Variants in OPCML observed in about 807,000 individuals in gnomAD.
The protein encoded by OPCML is opioid binding protein/cell adhesion molecule like, also known as opioid-binding protein/cell adhesion molecule.
A neutral mutation model predicts 37.8 loss-of-function variants in OPCML; 13 were observed. That is an observed-to-expected ratio of 0.34 (90% CI 0.22 to 0.55). The LOEUF is 0.55. Among genes scored for constraint, OPCML ranks in the 20% least tolerant of loss-of-function variants. The pLI, the probability that OPCML is intolerant of heterozygous loss-of-function variation, is 0.91. For missense variants in OPCML, 341 were observed against 435.6 expected (o/e 0.78, Z 1.93); for synonymous variants, 176 against 168.8 (o/e 1.04, Z -0.33).
chr11:133,127,755 T>C (rs1268894281), intron 1 of OPCML, among the ~76,000 whole-genome samples: 2 of 152,118 alleles, frequency 1.3e-5, no homozygotes, highest in Non-Finnish European at 2.9e-5. Flanking sequence ...ATTTATCATC[T>C]AATTAAGAAG....
chr11:132,670,295 CA>C (rs1327861850), intron 2 of OPCML, among the ~76,000 whole-genome samples: 1 of 152,146 alleles, frequency 6.6e-6, no homozygotes, highest in East Asian at 1.9e-4. Flanking sequence ...ATCGTGGGAG[CA>C]AAGACTTCGG....
rs570500772 is a variant in OPCML, at chr11:133,465,797, G to A, written c.61+66467C>T. Reference sequence around the variant, plus strand: ...GATCGTCCACCGTAAAGGGACACTGGGAGGACTAAGGAGGCAATCCATGCA... The same window carrying A: ...GATCGTCCACCGTAAAGGGACACTGAGAGGACTAAGGAGGCAATCCATGCA... On this transcript the variant is annotated intron_variant, in intron 1 of 7. Transcript: ENST00000524381. Among the ~76,000 whole-genome samples the A allele has an allele frequency of 6.6e-5, 10 of 152,222 alleles. No homozygotes were observed. In the South Asian group the frequency reaches 2.1e-3, roughly 32 times the overall value.
intron 1 of OPCML, among the ~76,000 whole-genome samples, chr11:133,286,321 TA>T: frequency 6.6e-6 from 1 of 151,506 alleles, no homozygotes; most frequent in East Asian, 1.9e-4. Context: ...TAAAAATAAA[TA>T]AGCCGGGCGT....
chr11:133,127,111 T>C (rs755435344), intron 1 of OPCML, among the ~76,000 whole-genome samples: 40 of 152,184 alleles, frequency 2.6e-4, no homozygotes, highest in Non-Finnish European at 5.4e-4. Context: ...TCCTTAGATC[T>C]GCCCCTTTCC....
intron 2 of OPCML, among the ~76,000 whole-genome samples, chr11:132,816,700 T>C (rs1939660031): frequency 6.6e-6 from 1 of 152,172 alleles, no homozygotes; most frequent in African/African-American, 2.4e-5. Flanking sequence ...TTTGGTCCGT[T>C]GTGGGACTGC....
chr11:132,892,059 G>A (rs1943671351), intron 2 of OPCML, among the ~76,000 whole-genome samples: 1 of 152,186 alleles, frequency 6.6e-6, no homozygotes, highest in African/African-American at 2.4e-5. Flanking sequence ...CTAAGTCGAT[G>A]CAAAGCTACA....
intron 1 of OPCML, among the ~76,000 whole-genome samples, chr11:133,401,806 C>T (rs2136840062): frequency 6.6e-6 from 1 of 152,248 alleles, no homozygotes; most frequent in South Asian, 2.1e-4. Flanking sequence ...GACTTGTTCT[C>T]TTTTAAGCTT....
chr11:132,496,774 A>G (rs770332558), intron 4 of OPCML, among the ~76,000 whole-genome samples: 10 of 152,252 alleles, frequency 6.6e-5, no homozygotes, highest in Non-Finnish European at 1.2e-4. Flanking sequence ...ACCCAATATT[A>G]CAAAATGCTA....
At chr11:133,009,489 T>G (rs1947175920) in intron 1 of OPCML, among the ~76,000 whole-genome samples, 1 of 152,214 alleles carries the variant, frequency 6.6e-6, no homozygotes, top group Admixed American at 6.5e-5. Context: ...GGCAGTTTAA[T>G]TCAGTAGCCA....
At chr11:132,989,077 A>T (rs889782056) in intron 1 of OPCML, among the ~76,000 whole-genome samples, 1 of 152,228 alleles carries the variant, frequency 6.6e-6, no homozygotes. Flanking sequence ...ATCTTCATAC[A>T]TTGCTGGTGA....
At chr11:132,423,092 C>T (rs185500487) in intron 7 of OPCML, among the ~76,000 whole-genome samples, 5 of 152,308 alleles carry the variant, frequency 3.3e-5, no homozygotes, top group Admixed American at 3.3e-4. Flanking sequence ...GCCAGACAGC[C>T]TTCTTCAGTT....
At chr11:132,698,194 C>T (rs564022648) in intron 2 of OPCML, among the ~76,000 whole-genome samples, 1 of 152,008 alleles carries the variant, frequency 6.6e-6, no homozygotes, top group East Asian at 1.9e-4. Flanking sequence ...TGATAGTTCT[C>T]TTTTTAATTT....
intron 2 of OPCML, among the ~76,000 whole-genome samples, chr11:132,786,057 T>C (rs1947199636): frequency 6.6e-6 from 1 of 152,162 alleles, no homozygotes; most frequent in African/African-American, 2.4e-5. Flanking sequence ...TCTTTACCCA[T>C]ACCCATCCTC....
In OPCML at chr11:132,428,472, A is replaced by C. The variant is rs1267623206; in HGVS notation, c.916+7614T>G. 3.3e-5 allele frequency among the ~76,000 whole-genome samples: 5 copies of C among 152,344 alleles called. No individual in the cohort carries two copies. In the South Asian group the frequency reaches 6.2e-4, roughly 19 times the overall value. ...AAGCATAGGGGTAATCTACCATGAG[A>C]GCCCAAAAGATGAGGGATTGATTCT... On this transcript the variant is annotated intron_variant, in intron 7 of 7. Coordinates refer to ENST00000524381, the MANE Select transcript of OPCML (RefSeq NM_001012393.5).
At chr11:133,058,684 T>A (rs1591960796) in intron 1 of OPCML, among the ~76,000 whole-genome samples, 1 of 152,090 alleles carries the variant, frequency 6.6e-6, no homozygotes, top group South Asian at 2.1e-4. Context: ...CACGCCTGGG[T>A]TTTCGCTTCT....
At chr11:133,265,604 T>G (rs1941631885) in intron 1 of OPCML, among the ~76,000 whole-genome samples, 1 of 152,222 alleles carries the variant, frequency 6.6e-6, no homozygotes, top group Admixed American at 6.5e-5. Context: ...GATTTGATTA[T>G]TTTTGAAACA....
intron 1 of OPCML, among the ~76,000 whole-genome samples, chr11:133,101,332 G>A (rs184556916): frequency 1.1e-3 from 162 of 152,274 alleles, no homozygotes; most frequent in African/African-American, 3.6e-3. Context: ...ACTCTATCAG[G>A]AGATTGAGAA....
At chr11:132,443,716 T>C (rs532548269) in intron 4 of OPCML, among the ~76,000 whole-genome samples, 3 of 152,302 alleles carry the variant, frequency 2.0e-5, no homozygotes, top group Admixed American at 6.5e-5. Context: ...TGGAGTAAGA[T>C]AGACCACAGG....
At chr11:132,750,829 G>A (rs574298872) in intron 2 of OPCML, among the ~76,000 whole-genome samples, 22 of 149,202 alleles carry the variant, frequency 1.5e-4, no homozygotes, top group African/African-American at 2.3e-4. Flanking sequence ...TCACTCTGTC[G>A]CCCAGGCTGG....
Sources: gnomAD v4.1 joint callset for allele counts (sites outside exome capture counted in the v4.1 genomes callset) on GRCh38, gnomAD v4.1.1 for gene constraint, MANE v1.5 for transcripts, NCBI Gene and HGNC (gene_info 2026-07-23, HGNC 2026-07-21) for gene names.